CAMSAP2: variants seen among roughly 807,000 people sequenced by gnomAD.
The protein encoded by CAMSAP2 is calmodulin-regulated spectrin-associated protein 2.
A neutral mutation model predicts 146.1 loss-of-function variants in CAMSAP2; 26 were observed. The ratio of observed to expected loss-of-function variants is 0.18; its 90% CI spans 0.13 to 0.25. CAMSAP2 has a LOEUF of 0.25. CAMSAP2 is among the 10% of genes least tolerant of loss of function. The pLI is 1.00. For synonymous variants in CAMSAP2, 499 were observed against 596.6 expected (o/e 0.84, Z 2.38); for missense variants, 1,381 against 1,759.3 (o/e 0.78, Z 3.85).
At chr1:200,772,031 A>G (rs1252548464) in intron 2 of CAMSAP2, among the ~76,000 whole-genome samples, 4 of 152,208 alleles carry the variant, frequency 2.6e-5, no homozygotes, top group Admixed American at 2.0e-4. Flanking sequence ...TCACTTGAGG[A>G]CAGATTTCAT....
At chr1:200,828,839 G>A (rs1666969948) in intron 4 of CAMSAP2, among the ~76,000 whole-genome samples, 1 of 151,838 alleles carries the variant, frequency 6.6e-6, no homozygotes, top group African/African-American at 2.4e-5. Flanking sequence ...AGTATTCACA[G>A]ACTATCAGTA....
At chr1:200,802,220 G>A (rs1344420490) in intron 2 of CAMSAP2, among the ~76,000 whole-genome samples, 5 of 152,100 alleles carry the variant, frequency 3.3e-5, no homozygotes, top group African/African-American at 1.2e-4. Flanking sequence ...AAGATTTATT[G>A]TGAAATACTG....
At chr1:200,757,497 CTG>C (rs1476170161) in intron 1 of CAMSAP2, among the ~76,000 whole-genome samples, 1 of 152,072 alleles carries the variant, frequency 6.6e-6, no homozygotes, top group African/African-American at 2.4e-5. Flanking sequence ...GCTGTTCTGT[CTG>C]TATTAATTTC....
At position 200,857,733 on chromosome 1, in the gene CAMSAP2, T is replaced by A. The variant is rs985644874; in HGVS notation, c.4132-21T>A. 8 of 1,554,530 alleles carry A rather than the reference T, an allele frequency of 5.1e-6. No homozygotes were observed. The highest frequency in any genetic ancestry group is 6.9e-6 in the Non-Finnish European group (8 of 1,155,364). ...GGTTTTTATTCGTGTTGTTATGTTG[T>A]TTTTGTTTTTTATTTTAAAGGAAAT... On this transcript the variant is annotated intron_variant, in intron 16 of 16. Transcript: ENST00000358823. This position sits in a 1 kb window ranked among gnomAD's most constrained non-coding sequence, Gnocchi z 4.7.
Position 200,848,267 on chromosome 1 carries a change from T to C in CAMSAP2, c.1498T>C (p.Ser500Pro). ...TATAGATTCTCACAGTGACCTCAAATCTTGTGTGCCCCTTAACACAAATGA... is the reference window on the plus strand; with the variant it reads ...TATAGATTCTCACAGTGACCTCAAACCTTGTGTGCCCCTTAACACAAATGA... ...LNIDSHSDLKSCVPLNTNELN... is the reference protein window; with the variant it reads ...LNIDSHSDLKPCVPLNTNELN... The change falls in exon 11 of 17, where the codon TCT becomes CCT. Residue 500 changes from serine to proline, a missense_variant. Ser to Pro is a moderately conservative substitution (Grantham distance 74). Transcript: ENST00000358823. The C allele has an allele frequency of 6.2e-7, 1 of 1,613,498 alleles. No individual in the cohort carries two copies.
In CAMSAP2 at chr1:200,854,884, G is replaced by A. The variant is rs570434143; in HGVS notation, c.3891G>A (p.Thr1297=). The A allele has an allele frequency of 6.8e-6, 11 of 1,605,854 alleles. No individual in the cohort carries two copies. In the African/African-American group the frequency reaches 1.1e-4, roughly 16 times the overall value. ...AGAGTGTACATTCAGGCAAGAGGAC[G>A]CCAAGGTAAATCTATAACGTATGAA... ...DNESVHSGKR[T]PRSESVEGFL... The change falls in exon 14 of 17, where the codon ACG becomes ACA. Residue 1297 remains threonine, a synonymous_variant. Coordinates refer to ENST00000358823, the MANE Select transcript of CAMSAP2 (RefSeq NM_203459.4).
chr1:200,778,511 T>C (rs778101665), intron 2 of CAMSAP2, among the ~76,000 whole-genome samples: 10 of 152,210 alleles, frequency 6.6e-5, no homozygotes, highest in Admixed American at 1.3e-4. Flanking sequence ...CAAATACTCA[T>C]AGGGAAAAGA....
intron 1 of CAMSAP2, among the ~76,000 whole-genome samples, chr1:200,754,487 G>A (rs140339835): frequency 1.7e-3 from 254 of 150,454 alleles, no homozygotes; most frequent in African/African-American, 6.2e-3. Flanking sequence ...ATCCAGTAAT[G>A]ATCTTGCCTG....
chr1:200,804,228 A>G (rs1017621761), intron 2 of CAMSAP2, among the ~76,000 whole-genome samples: 3 of 151,942 alleles, frequency 2.0e-5, no homozygotes, highest in Non-Finnish European at 4.4e-5. Flanking sequence ...GCCTGGCCAG[A>G]TGTTCTGTTT....
chr1:200,754,756 G>A (rs1396556790), intron 1 of CAMSAP2, among the ~76,000 whole-genome samples: 1 of 151,778 alleles, frequency 6.6e-6, no homozygotes, highest in Non-Finnish European at 1.5e-5. Context: ...CTAATTTTTT[G>A]TATGTTTAGT....
intron 6 of CAMSAP2, among the ~76,000 whole-genome samples, chr1:200,833,318 T>A (rs968366063): frequency 1.2e-4 from 18 of 152,254 alleles, no homozygotes; most frequent in Admixed American, 8.5e-4. Context: ...CCCAGCACTT[T>A]GGGAGGAGGA....
Position 200,857,220 on chromosome 1 carries a change from G to A in CAMSAP2, c.4013-86G>A, listed in dbSNP as rs1667771121. 1 of 954,438 alleles carries A rather than the reference G, an allele frequency of 1.0e-6. No individual in the cohort carries two copies. The highest frequency in any genetic ancestry group is 1.7e-5 in the African/African-American group (1 of 60,330). 59.1% of individuals were successfully genotyped at this position (954,438 alleles called of 1,614,324 possible). A position where few individuals can be genotyped will look rare whatever the true frequency, so the allele number is the denominator to read the frequency against. On this transcript the variant is annotated intron_variant, in intron 15 of 16. Coordinates refer to ENST00000358823, the MANE Select transcript of CAMSAP2 (RefSeq NM_203459.4). The surrounding 1 kb of genome is among the most constrained non-coding windows in gnomAD (Gnocchi z 4.7). ...TCTTCTATTACAATATTTCAGCAGT[G>A]TAGGAACAATTACATCATTTTAAAA...
chr1:200,801,567 C>T (rs772073943), intron 2 of CAMSAP2, among the ~76,000 whole-genome samples: 2 of 152,198 alleles, frequency 1.3e-5, no homozygotes, highest in Non-Finnish European at 2.9e-5. Flanking sequence ...TTCAGGTGTA[C>T]CGATCAAACG....
intron 4 of CAMSAP2, among the ~76,000 whole-genome samples, chr1:200,826,937 G>A (rs1040881843): frequency 1.3e-5 from 2 of 152,134 alleles, no homozygotes; most frequent in Non-Finnish European, 2.9e-5. Flanking sequence ...AACAGGATTT[G>A]ATGTTGCAGT....
rs1172525860 is a variant in CAMSAP2, at chr1:200,847,409, G to GTT, written c.1192+123_1192+124dup. The GTT allele has an allele frequency of 5.4e-6, 4 of 740,776 alleles. No individual in the cohort carries two copies. In the Admixed American group the frequency reaches 1.2e-4, roughly 23 times the overall value. 45.9% of individuals were successfully genotyped at this position (740,776 alleles called of 1,614,324 possible). On this transcript the variant is annotated intron_variant, in intron 9 of 16. Coordinates refer to ENST00000358823, the MANE Select transcript of CAMSAP2 (RefSeq NM_203459.4). ...GGTTTTTTTGTGTGTGTGTGTGTGTGTTTTTTTGTTTGTTTGTTTGTTTTC... is the reference window on the plus strand; with the variant it reads ...GGTTTTTTTGTGTGTGTGTGTGTGTGTTTTTTTTTGTTTGTTTGTTTGTTTTC...
At chr1:200,778,205 T>C (rs1173624770) in intron 2 of CAMSAP2, among the ~76,000 whole-genome samples, 1 of 152,218 alleles carries the variant, frequency 6.6e-6, no homozygotes, top group African/African-American at 2.4e-5. Flanking sequence ...AATCATTGAA[T>C]AAATAAGAGG....
At chr1:200,748,318 A>G (rs1033501321) in intron 1 of CAMSAP2, among the ~76,000 whole-genome samples, 3 of 152,186 alleles carry the variant, frequency 2.0e-5, no homozygotes, top group Admixed American at 2.0e-4. Flanking sequence ...GTATTTCTGT[A>G]AGTCCACTCC....
In CAMSAP2 at chr1:200,800,916, G is replaced by A. The variant is rs540454777; in HGVS notation, c.400-6460G>A. ...CTGTAAAGGATTTTATTTCTCCTTC[G>A]CTTATGAAGCTTAGTTTGACTGGAT... is the stretch of plus-strand genomic sequence containing the variant. On this transcript the variant is annotated intron_variant, in intron 2 of 16. Transcript: ENST00000358823. Among the ~76,000 whole-genome samples, 17 of 152,088 alleles carry A rather than the reference G, an allele frequency of 1.1e-4. No homozygotes were observed. In the East Asian group the frequency reaches 2.9e-3, roughly 26 times the overall value.
chr1:200,803,209 G>A (rs1051690717), intron 2 of CAMSAP2, among the ~76,000 whole-genome samples: 2 of 152,172 alleles, frequency 1.3e-5, no homozygotes, highest in African/African-American at 4.8e-5. Context: ...TTCTAAGTTT[G>A]AATCCCTACA....
Sources: allele counts gnomAD v4.1 joint callset (sites outside exome capture counted in the v4.1 genomes callset), GRCh38; gene constraint gnomAD v4.1.1; non-coding constraint Gnocchi (gnomAD v3.1); transcripts MANE v1.5; gene names NCBI Gene and HGNC (gene_info 2026-07-23, HGNC 2026-07-21).